The following NELL2 variants were observed in gnomAD, a reference collection of about 807,000 sequenced individuals.
NELL2 encodes neural EGFL like 2.
NELL2 carries 41 observed loss-of-function variants against 109.6 expected under a neutral mutation model. The ratio of observed to expected loss-of-function variants is 0.37; its 90% CI spans 0.29 to 0.49. The LOEUF (loss-of-function observed/expected upper bound fraction) is 0.49. Ranked by LOEUF, NELL2 falls within the 20% of genes least tolerant of loss-of-function variation. The pLI, the probability that NELL2 is intolerant of heterozygous loss-of-function variation, is 0.98. For synonymous variants in NELL2, 355 were observed against 344.7 expected, an observed-to-expected ratio of 1.03 and a Z score of -0.33; for missense variants, 900 against 1,008.3, an observed-to-expected ratio of 0.89 and a Z score of 1.45.
chr12:44,522,236 C>A, intron 17 of NELL2, 60 bp from the exon 18 acceptor site: 1 of 1,305,176 alleles, frequency 7.7e-7, no homozygotes, highest in South Asian at 1.4e-5. Context: ...AACACGCACA[C>A]ACACACACGC....
chr12:44,654,144 G>A (rs897215219), intron 13 of NELL2, among the ~76,000 whole-genome samples: 8 of 152,152 alleles, frequency 5.3e-5, no homozygotes, highest in Non-Finnish European at 1.2e-4. Flanking sequence ...GCTACAAATT[G>A]TACCATACTG....
At chr12:44,711,503 C>G in intron 10 of NELL2, 109 bp from the exon 11 acceptor site, 1 of 823,084 alleles carries the variant, frequency 1.2e-6, no homozygotes, top group South Asian at 1.6e-5. Context: ...AAATTTTTGT[C>G]CTGAGGACCT....
chr12:44,903,270 CAACA>C (rs1222191252), intron 1 of NELL2, among the ~76,000 whole-genome samples: 3 of 152,074 alleles, frequency 2.0e-5, no homozygotes, highest in East Asian at 3.8e-4. Context: ...TTTATGTGGC[CAACA>C]AACATATTTT....
intron 15 of NELL2, among the ~76,000 whole-genome samples, chr12:44,587,307 ATTTTTT>A (rs67322195): frequency 1.8e-4 from 17 of 96,608 alleles, no homozygotes; most frequent in Non-Finnish European, 2.5e-4. Flanking sequence ...ATATATATAT[ATTTTTT>A]TTTAAATATG....
intron 13 of NELL2, among the ~76,000 whole-genome samples, chr12:44,631,131 A>T (rs1412756304): frequency 6.6e-6 from 1 of 151,624 alleles, no homozygotes; most frequent in Admixed American, 6.6e-5. Context: ...TTGTTATAGA[A>T]ATTCTCCAAC....
chr12:44,546,899 T>C (rs1204455822), intron 15 of NELL2, among the ~76,000 whole-genome samples: 2 of 152,200 alleles, frequency 1.3e-5, no homozygotes, highest in Non-Finnish European at 2.9e-5. Context: ...ATAAAGGGAA[T>C]AGGAAAAGGA....
chr12:44,886,714 A>G (rs1307136559), intron 1 of NELL2, among the ~76,000 whole-genome samples: 3 of 152,006 alleles, frequency 2.0e-5, no homozygotes, highest in Admixed American at 2.0e-4. Flanking sequence ...AGATTATTGT[A>G]AACTATAGTC....
intron 2 of NELL2, among the ~76,000 whole-genome samples, chr12:44,819,268 T>C (rs1943463882): frequency 6.6e-6 from 1 of 152,158 alleles, no homozygotes; most frequent in Non-Finnish European, 1.5e-5. Flanking sequence ...AGTGGCCATG[T>C]GGAATGGTTG....
chr12:44,774,890 T>C, intron 8 of NELL2, 41 bp from the exon 9 acceptor site: 1 of 1,477,358 alleles, frequency 6.8e-7, no homozygotes, highest in Non-Finnish European at 9.4e-7. Flanking sequence ...CATGTTAGAG[T>C]TTAGTAGTTT....
intron 2 of NELL2, among the ~76,000 whole-genome samples, chr12:44,863,494 G>C (rs118018935): frequency 0.016 from 2,385 of 146,566 alleles, 28 homozygotes; most frequent in Non-Finnish European, 0.024. Flanking sequence ...GGAGAGAGCT[G>C]GGTGATATTA....
chr12:44,823,324 G>A (rs994513577), intron 2 of NELL2, among the ~76,000 whole-genome samples: 1 of 152,024 alleles, frequency 6.6e-6, no homozygotes, highest in South Asian at 2.1e-4. Flanking sequence ...ACCACACACT[G>A]TACATTAGAT....
At chr12:44,601,286 GAGTT>G (rs1945210931) in intron 15 of NELL2, among the ~76,000 whole-genome samples, 1 of 152,058 alleles carries the variant, frequency 6.6e-6, no homozygotes, top group African/African-American at 2.4e-5. Flanking sequence ...TATATAGAGT[GAGTT>G]AGATTTTTTC....
At chr12:44,786,131 T>C (rs941074180) in intron 3 of NELL2, among the ~76,000 whole-genome samples, 5 of 152,094 alleles carry the variant, frequency 3.3e-5, no homozygotes, top group African/African-American at 9.7e-5. Context: ...TCTATCCATC[T>C]GACAAAGGGC....
At chr12:44,598,879 ACACACTCT>A (rs1422076551) in intron 15 of NELL2, among the ~76,000 whole-genome samples, 8 of 148,848 alleles carry the variant, frequency 5.4e-5, no homozygotes, top group African/African-American at 1.7e-4. Context: ...ACACACACAC[ACACACTCT>A]CTCTCTCTCT....
At chr12:44,746,668 C>T (rs1940377246) in intron 9 of NELL2, among the ~76,000 whole-genome samples, 1 of 152,140 alleles carries the variant, frequency 6.6e-6, no homozygotes, top group Non-Finnish European at 1.5e-5. Context: ...CAAAAGAAGA[C>T]ATTTATGCAG....
chr12:44,549,379 G>C (rs1942936096), intron 15 of NELL2, among the ~76,000 whole-genome samples: 1 of 152,186 alleles, frequency 6.6e-6, no homozygotes, highest in African/African-American at 2.4e-5. Context: ...TCATAGGGAA[G>C]AGGGGAAGGG....
At chr12:44,655,522 A>G (rs1469980388) in intron 13 of NELL2, among the ~76,000 whole-genome samples, 5 of 152,160 alleles carry the variant, frequency 3.3e-5, no homozygotes, top group Non-Finnish European at 5.9e-5. Flanking sequence ...GCATGCACAT[A>G]TGTGTTTCAG....
intron 13 of NELL2, among the ~76,000 whole-genome samples, chr12:44,652,366 GA>G (rs956928692): frequency 4.6e-5 from 7 of 152,114 alleles, no homozygotes; most frequent in Admixed American, 6.6e-5. Context: ...ATTTCTGTGT[GA>G]TTTTGTGTTT....
intron 9 of NELL2, among the ~76,000 whole-genome samples, chr12:44,719,012 C>T (rs1009763733): frequency 2.2e-4 from 34 of 152,238 alleles, no homozygotes; most frequent in African/African-American, 6.7e-4. Context: ...TTGATGTATA[C>T]GTTCTACCAA....
Sources: gnomAD v4.1 joint callset for allele counts (sites outside exome capture counted in the v4.1 genomes callset) on GRCh38, gnomAD v4.1.1 for gene constraint, MANE v1.5 for transcripts, NCBI Gene and HGNC (gene_info 2026-07-23, HGNC 2026-07-21) for gene names.